MEP1A: variants seen among roughly 807,000 people sequenced by gnomAD.
The protein encoded by MEP1A is meprin A subunit alpha, also known as N-benzoyl-L-tyrosyl-P-amino-benzoic acid hydrolase subunit alpha.
A neutral mutation model predicts 84.5 loss-of-function variants in MEP1A; 68 were observed. The ratio of observed to expected loss-of-function variants is 0.80; its 90% CI spans 0.66 to 0.98. The LOEUF is 0.98. Among genes scored for constraint, MEP1A ranks in the 50% least tolerant of loss-of-function variants. The pLI, the probability that MEP1A is intolerant of heterozygous loss-of-function variation, is 0.00. For missense variants in MEP1A, 887 were observed against 919.9 expected, an observed-to-expected ratio of 0.96 and a Z score of 0.46; for synonymous variants, 337 against 336.8, an observed-to-expected ratio of 1.00 and a Z score of -0.01.
chr6:46,794,781 A>G (rs1767014463), intron 3 of MEP1A, among the ~76,000 whole-genome samples: 1 of 152,206 alleles, frequency 6.6e-6, no homozygotes. Flanking sequence ...CCATTGTGTA[A>G]ACAGTTCAGA....
At chr6:46,837,625 G>A (rs1220460548) in intron 13 of MEP1A, among the ~76,000 whole-genome samples, 1 of 152,206 alleles carries the variant, frequency 6.6e-6, no homozygotes, top group Non-Finnish European at 1.5e-5. Flanking sequence ...CCCAGGCTAA[G>A]GGAGGCCAGG....
Position 46,833,223 on chromosome 6 carries a change from C to T in MEP1A, c.1294C>T (p.Pro432Ser), listed in dbSNP as rs1179458651. ...DDITLTETPC[P>S]TGVWTVRNFS... The stretch of plus-strand genomic sequence containing the variant: ...CATCACTCTGACAGAAACCCCCTGC[C>T]CCACAGGGGTCTGGACAGTCCGGAA... Residue 432 changes from proline (P) to serine (S), a missense_variant, in exon 11 of 14, where the codon CCC becomes TCC. Transcript: ENST00000230588. The T allele has an allele frequency of 6.2e-7, 1 of 1,613,232 alleles. No homozygotes were observed. Among genetic ancestry groups the T allele is most frequent in the Non-Finnish European group, 8.5e-7 (1 of 1,179,542 alleles).
chr6:46,802,503 C>A (rs145793712), intron 5 of MEP1A, among the ~76,000 whole-genome samples: 1 of 151,698 alleles, frequency 6.6e-6, no homozygotes, highest in Non-Finnish European at 1.5e-5. Context: ...AGTAAAAATT[C>A]TTCTTGCCTT....
chr6:46,806,290 G>C (rs915765834), intron 5 of MEP1A, among the ~76,000 whole-genome samples: 1 of 151,950 alleles, frequency 6.6e-6, no homozygotes, highest in Non-Finnish European at 1.5e-5. Context: ...ATTAGACATT[G>C]TGTTACATTG....
chr6:46,800,522 C>A (rs1767175914), intron 5 of MEP1A, among the ~76,000 whole-genome samples: 1 of 152,116 alleles, frequency 6.6e-6, no homozygotes, highest in East Asian at 1.9e-4. Flanking sequence ...TGATTTGAGA[C>A]AAGTGAACTG....
chr6:46,818,262 AAAT>A (rs1162645991), intron 6 of MEP1A, among the ~76,000 whole-genome samples: 2 of 152,182 alleles, frequency 1.3e-5, no homozygotes, highest in African/African-American at 4.8e-5. Flanking sequence ...AGTTATTAGA[AAAT>A]AAATAACTAA....
chr6:46,812,292 A>G (rs1315249613), intron 6 of MEP1A, among the ~76,000 whole-genome samples: 1 of 151,842 alleles, frequency 6.6e-6, no homozygotes, highest in African/African-American at 2.4e-5. Flanking sequence ...ATAATCTTTC[A>G]TATTTCTGTG....
At chr6:46,805,695 G>A (rs894264980) in intron 5 of MEP1A, among the ~76,000 whole-genome samples, 11 of 151,644 alleles carry the variant, frequency 7.3e-5, no homozygotes, top group African/African-American at 1.7e-4. Flanking sequence ...TTTTCAATAC[G>A]TTCTTTTTAT....
chr6:46,806,865 G>A lies in MEP1A; in HGVS notation c.263-2555G>A, dbSNP rs112019319. Among the ~76,000 whole-genome samples the A allele has an allele frequency of 1.1e-3, 168 of 152,046 alleles. 1 individual carries two copies. The highest frequency in any genetic ancestry group is 2.7e-3 in the South Asian group (13 of 4,820). On this transcript the variant is annotated intron_variant, in intron 5 of 13. Coordinates refer to ENST00000230588, the MANE Select transcript of MEP1A (RefSeq NM_005588.3). ...TTTCTTGCATTGAAGAAATTAGAGC[G>A]TGCCCTCATGCAAAAAGCTGTATAA...
In MEP1A at chr6:46,826,477, A is replaced by G. The variant is rs768329749; in HGVS notation, c.902A>G (p.Asp301Gly). Residue 301 changes from aspartate (D) to glycine (G), a missense_variant, in exon 9 of 14, where the codon GAT becomes GGT. Asp to Gly is a moderately conservative substitution (Grantham distance 94, BLOSUM62 -1). Coordinates refer to ENST00000230588, the MANE Select transcript of MEP1A (RefSeq NM_005588.3). ...GACAGTGCTCAGGCTGGAGAAGTGG[A>G]TCACACCTTGTTGGGACAATGCACA... Reference protein sequence around the residue: ...HQDSAQAGEVDHTLLGQCTGA... With the variant: ...HQDSAQAGEVGHTLLGQCTGA... 6.3e-7 allele frequency: 1 copy of G among 1,594,652 alleles called. No homozygotes were observed. The highest frequency in any genetic ancestry group is 8.5e-7 in the Non-Finnish European group (1 of 1,170,412).
intron 3 of MEP1A, among the ~76,000 whole-genome samples, chr6:46,797,785 T>C (rs904099627): frequency 2.9e-5 from 4 of 139,374 alleles, no homozygotes; most frequent in African/African-American, 9.0e-5. Flanking sequence ...TCTTTCTTTC[T>C]TTCTTTCTCT....
At chr6:46,822,744 C>G (rs1767811282) in intron 7 of MEP1A, among the ~76,000 whole-genome samples, 1 of 152,128 alleles carries the variant, frequency 6.6e-6, no homozygotes, top group Non-Finnish European at 1.5e-5. Context: ...GGGGTTTCAC[C>G]ATGTGGACCA....
At chr6:46,820,478 C>T (rs1279342335) in intron 7 of MEP1A, among the ~76,000 whole-genome samples, 2 of 152,172 alleles carry the variant, frequency 1.3e-5, no homozygotes, top group Non-Finnish European at 2.9e-5. Context: ...GCAACCTCTG[C>T]CTCCTGAGTT....
At chr6:46,802,078 T>C (rs1767207713) in intron 5 of MEP1A, among the ~76,000 whole-genome samples, 2 of 151,974 alleles carry the variant, frequency 1.3e-5, no homozygotes. Flanking sequence ...TCCAGACCTT[T>C]TGCATTTTCA....
downstream of MEP1A, among the ~76,000 whole-genome samples, chr6:46,843,546 G>C (rs1202853263): frequency 6.6e-6 from 1 of 152,192 alleles, no homozygotes; most frequent in Admixed American, 6.5e-5. Context: ...TTTTGCAACA[G>C]ATATTTTTCC....
At chr6:46,800,398 T>C (rs183417061) in intron 5 of MEP1A, among the ~76,000 whole-genome samples, 1 of 152,148 alleles carries the variant, frequency 6.6e-6, no homozygotes, top group Non-Finnish European at 1.5e-5. Context: ...GTGTGAGATG[T>C]TGCATGTCCA....
rs776562106 is a variant in MEP1A, at chr6:46,793,419, T to C, written c.21T>C (p.Thr7=). 3.1e-6 allele frequency: 5 copies of C among 1,597,302 alleles called. No homozygotes were observed. In the South Asian group the frequency reaches 5.8e-5, roughly 18 times the overall value. The change falls in exon 1 of 14, where the codon ACT becomes ACC. Residue 7 remains threonine (T), a synonymous_variant. Transcript: ENST00000230588. MAWIRS[T]CILFFTLLFA... The stretch of plus-strand genomic sequence containing the variant: ...CAGCAATGGCTTGGATTAGATCCAC[T>C]TGCATTCTCTTTTTTACCTTGCTTT...
At chr6:46,806,238 A>G (rs1186381315) in intron 5 of MEP1A, among the ~76,000 whole-genome samples, 1 of 152,048 alleles carries the variant, frequency 6.6e-6, no homozygotes. Context: ...TATCAATAAC[A>G]ATTTCCTGTT....
rs1348324439 is a variant in MEP1A, at chr6:46,799,109, T to G, written c.190T>G (p.Ser64Ala). ...ACCTTTACCTTTGTTTTCACAGAAA[T>G]CCAGAAATGGCCTGAGAGACCCAAA... ...LFQGDILLQK[S>A]RNGLRDPNTR... Residue 64 changes from serine to alanine, a missense_variant, in exon 5 of 14, where the codon TCC (serine) becomes GCC (alanine). Ser to Ala is a moderately conservative substitution (Grantham distance 99). Transcript: ENST00000230588. The G allele has an allele frequency of 3.7e-6, 6 of 1,611,628 alleles. No individual in the cohort carries two copies. The highest frequency in any genetic ancestry group is 5.1e-6 in the Non-Finnish European group (6 of 1,177,740).
Sources: allele counts gnomAD v4.1 joint callset (sites outside exome capture counted in the v4.1 genomes callset), GRCh38; gene constraint gnomAD v4.1.1; transcripts MANE v1.5; gene names NCBI Gene and HGNC (gene_info 2026-07-23, HGNC 2026-07-21).